Variants in ROBO2 observed in about 807,000 individuals in gnomAD.
ROBO2 encodes the protein roundabout homolog 2.
In ROBO2, 53 loss-of-function variants were observed where a neutral mutation model predicts 160.8. That is an observed-to-expected ratio of 0.33 (90% CI 0.26 to 0.41). The LOEUF is 0.41. Ranked by LOEUF, ROBO2 falls within the 10% of genes least tolerant of loss-of-function variation. The pLI is 1.00. For synonymous variants in ROBO2, 664 were observed against 611.7 expected (o/e 1.09, Z -1.26); for missense variants, 1,577 against 1,722.4 (o/e 0.92, Z 1.49).
intron 2 of ROBO2, among the ~76,000 whole-genome samples, chr3:76,734,359 C>T (rs810184): frequency 0.85 from 129,291 of 152,186 alleles, 55,079 homozygotes; most frequent in African/African-American, 0.89. Flanking sequence ...CCAATGACAA[C>T]GGGTATAAAC....
At position 76,186,048 on chromosome 3, in the gene ROBO2, A is replaced by G. The variant is rs143070583; in HGVS notation, c.109+248446A>G. On this transcript the variant is annotated intron_variant, in intron 2 of 26. Transcript: ENST00000487694. ...TCCTGCAATCAAGCCATCCTTCCAC[A>G]TCGGCCTCCCAAGTAGATGGACTAC... 3.2e-4 allele frequency among the ~76,000 whole-genome samples: 49 copies of G among 150,862 alleles called. No individual in the cohort carries two copies. In the East Asian group the frequency reaches 9.3e-3, roughly 29 times the overall value.
At chr3:76,516,897 G>C (rs2081369331) in intron 2 of ROBO2, among the ~76,000 whole-genome samples, 1 of 152,092 alleles carries the variant, frequency 6.6e-6, no homozygotes, top group Non-Finnish European at 1.5e-5. Context: ...TAATCCCCAA[G>C]TCATGTTCAG....
chr3:76,789,332 G>T (rs933624619), intron 2 of ROBO2, among the ~76,000 whole-genome samples: 1 of 151,396 alleles, frequency 6.6e-6, no homozygotes, highest in African/African-American at 2.4e-5. Context: ...ACTGTTTAAT[G>T]GCCTAGGATG....
At chr3:77,326,069 TTG>T (rs1420227427) in intron 2 of ROBO2, among the ~76,000 whole-genome samples, 1 of 152,186 alleles carries the variant, frequency 6.6e-6, no homozygotes, top group Non-Finnish European at 1.5e-5. Context: ...AATTAGCACC[TTG>T]TGTGATCTGA....
chr3:77,202,471 A>C (rs766161607), intron 2 of ROBO2, among the ~76,000 whole-genome samples: 1 of 152,270 alleles, frequency 6.6e-6, no homozygotes, highest in South Asian at 2.1e-4. Context: ...CATCCTTTTC[A>C]TTAAAACTTA....
chr3:76,756,466 G>A (rs181004179), intron 2 of ROBO2, among the ~76,000 whole-genome samples: 19 of 151,852 alleles, frequency 1.3e-4, no homozygotes, highest in Non-Finnish European at 2.5e-4. Flanking sequence ...GATTTGGGGT[G>A]AAAAAGTAGT....
intron 2 of ROBO2, among the ~76,000 whole-genome samples, chr3:76,723,734 C>T (rs1451425274): frequency 1.3e-5 from 2 of 152,176 alleles, no homozygotes; most frequent in Non-Finnish European, 2.9e-5. Flanking sequence ...CTCTTTCATC[C>T]AAAGTCTTGC....
chr3:76,076,569 A>T (rs2068652515), intron 2 of ROBO2, among the ~76,000 whole-genome samples: 1 of 152,212 alleles, frequency 6.6e-6, no homozygotes, highest in African/African-American at 2.4e-5. Flanking sequence ...ACCTGCGTAA[A>T]GTCTTTTATG....
At chr3:77,003,112 A>G (rs778504203) in intron 2 of ROBO2, among the ~76,000 whole-genome samples, 54 of 152,202 alleles carry the variant, frequency 3.5e-4, no homozygotes, top group Admixed American at 6.5e-4. Context: ...TTGTGAATAT[A>G]GTCAATGCAT....
Position 76,174,185 on chromosome 3 carries a change from C to T in ROBO2, c.109+236583C>T, listed in dbSNP as rs554585264. Among the ~76,000 whole-genome samples the T allele has an allele frequency of 1.3e-4, 20 of 152,144 alleles. No homozygotes were observed. In the South Asian group the frequency reaches 3.7e-3, roughly 28 times the overall value. ...TCTTTTGAGAAGTTTCTGTTCATAT[C>T]CTTTGCCTGCTTTTTGATGGGGTTG... On this transcript the variant is annotated intron_variant, in intron 2 of 26. Transcript: ENST00000487694.
chr3:76,230,331 G>T (rs550516649), intron 2 of ROBO2, among the ~76,000 whole-genome samples: 4 of 151,792 alleles, frequency 2.6e-5, no homozygotes, highest in African/African-American at 9.7e-5. Context: ...AAAAAAAATG[G>T]CTTTCCTTTA....
intron 2 of ROBO2, among the ~76,000 whole-genome samples, chr3:76,843,319 G>A (rs1429485499): frequency 6.6e-6 from 1 of 151,706 alleles, no homozygotes; most frequent in Non-Finnish European, 1.5e-5. Context: ...GCTTCCAGAA[G>A]AAGGGTTGAG....
chr3:76,769,001 G>A (rs1293375259), intron 2 of ROBO2, among the ~76,000 whole-genome samples: 1 of 151,302 alleles, frequency 6.6e-6, no homozygotes, highest in East Asian at 2.0e-4. Flanking sequence ...TGGATTAAGT[G>A]GGAAAATACC....
chr3:76,970,636 C>T lies in ROBO2; in HGVS notation c.110-127378C>T, dbSNP rs551645266. Reference sequence around the variant, plus strand: ...CAAAACTGGTTAAGATACACGAGGACTGATGCCTGGTTCAGCCAATGAATC... The same window carrying T: ...CAAAACTGGTTAAGATACACGAGGATTGATGCCTGGTTCAGCCAATGAATC... On this transcript the variant is annotated intron_variant, in intron 2 of 26. Transcript: ENST00000487694. 2.0e-5 allele frequency among the ~76,000 whole-genome samples: 3 copies of T among 152,248 alleles called. No individual in the cohort carries two copies. In the South Asian group the frequency reaches 6.2e-4, roughly 32 times the overall value.
intron 2 of ROBO2, among the ~76,000 whole-genome samples, chr3:76,264,313 A>G (rs1706959485): frequency 7.1e-6 from 1 of 141,032 alleles, no homozygotes; most frequent in South Asian, 2.5e-4. Context: ...ACTTTTCAAT[A>G]TTTGGGTATT....
intron 2 of ROBO2, among the ~76,000 whole-genome samples, chr3:77,276,093 G>A (rs1463980325): frequency 1.3e-5 from 2 of 151,942 alleles, no homozygotes; most frequent in Middle Eastern, 6.3e-3. Context: ...TGCAAAATTT[G>A]TAACCACCTT....
intron 13 of ROBO2, among the ~76,000 whole-genome samples, chr3:77,572,098 T>G (rs2153668811): frequency 6.6e-6 from 1 of 152,114 alleles, no homozygotes; most frequent in South Asian, 2.1e-4. Flanking sequence ...ATAAAACCAA[T>G]TTACCCTGAT....
rs1016605487 is a variant in ROBO2, at chr3:77,502,186, T to G, written c.806+8804T>G. On this transcript the variant is annotated intron_variant, in intron 5 of 25. Transcript: ENST00000461745. Reference sequence around the variant, plus strand: ...AAAGTCCACACTTTTGGCTACTACATAGTGGTGCTGAGTGGGAAGAACTTT... The same window carrying G: ...AAAGTCCACACTTTTGGCTACTACAGAGTGGTGCTGAGTGGGAAGAACTTT... Among the ~76,000 whole-genome samples, 5 of 152,148 alleles carry G rather than the reference T, an allele frequency of 3.3e-5. No homozygotes were observed. In the East Asian group the frequency reaches 9.6e-4, roughly 29 times the overall value.
At chr3:75,959,994 G>A (rs1948853764) in intron 2 of ROBO2, among the ~76,000 whole-genome samples, 1 of 151,818 alleles carries the variant, frequency 6.6e-6, no homozygotes, top group Admixed American at 6.6e-5. Flanking sequence ...GATAAACAGA[G>A]TTTGCAGTAG....
Sources: gnomAD v4.1 joint callset for allele counts (sites outside exome capture counted in the v4.1 genomes callset) on GRCh38, gnomAD v4.1.1 for gene constraint, MANE v1.5 for transcripts, NCBI Gene and HGNC (gene_info 2026-07-23, HGNC 2026-07-21) for gene names.